GLRB: variants seen among roughly 807,000 people sequenced by gnomAD.
The protein encoded by GLRB is glycine receptor subunit beta.
Under a neutral mutation model 54.2 loss-of-function variants are expected in GLRB, and 33 were observed. The ratio of observed to expected loss-of-function variants is 0.61; its 90% CI spans 0.46 to 0.81. The LOEUF (loss-of-function observed/expected upper bound fraction) is 0.81, where lower values mean the gene tolerates loss of function less well. Ranked by LOEUF, GLRB falls within the 40% of genes least tolerant of loss-of-function variation. The probability of loss-of-function intolerance (pLI) is 0.00; values close to 1 mark genes in which losing one functional copy is unlikely to be tolerated. For missense variants in GLRB, 572 were observed against 584.6 expected (o/e 0.98, Z 0.22); for synonymous variants, 209 against 208.2 (o/e 1.00, Z -0.03).
intron 2 of GLRB, among the ~76,000 whole-genome samples, chr4:157,110,836 A>C (rs1006750152): frequency 2.4e-4 from 36 of 151,918 alleles, no homozygotes; most frequent in Non-Finnish European, 4.9e-4. Flanking sequence ...AGTCTAAATC[A>C]CTGCCTTTTT....
At chr4:157,103,943 G>A (rs1165617158) in intron 2 of GLRB, among the ~76,000 whole-genome samples, 1 of 151,764 alleles carries the variant, frequency 6.6e-6, no homozygotes, top group Non-Finnish European at 1.5e-5. Context: ...GTGTGTTTGT[G>A]TGTGTGTGTG....
chr4:157,166,207 G>A (rs1737701799), intron 9 of GLRB, among the ~76,000 whole-genome samples: 1 of 151,966 alleles, frequency 6.6e-6, no homozygotes, highest in African/African-American at 2.4e-5. Flanking sequence ...AGTGACAGAA[G>A]TTTATATGAT....
At chr4:157,111,216 A>G (rs1186917531) in intron 2 of GLRB, among the ~76,000 whole-genome samples, 1 of 152,034 alleles carries the variant, frequency 6.6e-6, no homozygotes, top group Non-Finnish European at 1.5e-5. Context: ...GTTCTCAGGG[A>G]GAAGCTGGGA....
chr4:157,135,017 C>A (rs1736349916), intron 4 of GLRB, among the ~76,000 whole-genome samples: 1 of 152,016 alleles, frequency 6.6e-6, no homozygotes, highest in African/African-American at 2.4e-5. Context: ...TTGTAAAGCA[C>A]TTAACATTAA....
In GLRB at chr4:157,135,718, A is replaced by G. The variant is rs1328845267; in HGVS notation, c.298-751A>G. ...TGAGAACAGACTAATACAGAATGTA[A>G]TAGAATAATTTTCAGTGTGTATATT... On this transcript the variant is annotated intron_variant, in intron 4 of 9. Coordinates refer to ENST00000264428, the MANE Select transcript of GLRB (RefSeq NM_000824.5). 4.6e-5 allele frequency among the ~76,000 whole-genome samples: 7 copies of G among 152,190 alleles called. No homozygotes were observed. The South Asian group carries it at 1.4e-3, about 31-fold the overall frequency.
chr4:157,086,235 TA>T (rs1734408564), intron 2 of GLRB, among the ~76,000 whole-genome samples: 3 of 152,248 alleles, frequency 2.0e-5, no homozygotes, highest in Admixed American at 1.3e-4. Flanking sequence ...TCTTGCTTAA[TA>T]TATCTAGGCT....
chr4:157,129,487 T>G (rs1305701760), intron 4 of GLRB, among the ~76,000 whole-genome samples: 3 of 151,774 alleles, frequency 2.0e-5, no homozygotes, highest in Non-Finnish European at 4.4e-5. Context: ...ACACAAACTA[T>G]TAACTTAAAT....
intron 2 of GLRB, among the ~76,000 whole-genome samples, chr4:157,108,596 G>A (rs1735306693): frequency 6.6e-6 from 1 of 152,064 alleles, no homozygotes; most frequent in African/African-American, 2.4e-5. Flanking sequence ...AAGATGCATT[G>A]ATTCCTATGG....
intron 2 of GLRB, among the ~76,000 whole-genome samples, chr4:157,111,492 G>C (rs1735416774): frequency 6.6e-6 from 1 of 151,956 alleles, no homozygotes; most frequent in Non-Finnish European, 1.5e-5. Context: ...ACTCCCTCAT[G>C]ATTATATTAT....
At chr4:157,101,098 A>C (rs990513743) in intron 2 of GLRB, among the ~76,000 whole-genome samples, 1 of 152,166 alleles carries the variant, frequency 6.6e-6, no homozygotes, top group Non-Finnish European at 1.5e-5. Flanking sequence ...TAATTTCAAC[A>C]CTTGAAAATT....
rs1736327644 is a variant in GLRB at position 157,134,455 on chromosome 4, C to T, written c.298-2014C>T. ...CAGTGAGCTGTGATAGTTTCACTGC[C>T]CTCCAACCTGGGCAACAGAGCAAGA... On this transcript the variant is annotated intron_variant, in intron 4 of 9. Transcript: ENST00000264428. Among the ~76,000 whole-genome samples, 4 of 150,986 alleles carry T rather than the reference C, an allele frequency of 2.6e-5. No individual in the cohort carries two copies. The South Asian group carries it at 6.3e-4, about 24-fold the overall frequency.
chr4:157,170,911 T>C lies in GLRB; in HGVS notation c.*183T>C. The C allele has an allele frequency of 1.8e-6, 1 of 542,926 alleles. No homozygotes were observed. Among genetic ancestry groups the C allele is most frequent in the African/African-American group, 1.9e-5 (1 of 53,006 alleles). 33.6% of individuals were successfully genotyped at this position (542,926 alleles called of 1,614,324 possible). On this transcript the variant is annotated 3_prime_UTR_variant, in exon 10 of 10. Transcript: ENST00000264428. The stretch of plus-strand genomic sequence containing the variant: ...CAGCATGATCATGTAATATCTGTGC[T>C]CTAATAACGATGTATATATGTATAG...
At chr4:157,163,259 G>T (rs111582964) in intron 9 of GLRB, among the ~76,000 whole-genome samples, 1 of 152,106 alleles carries the variant, frequency 6.6e-6, no homozygotes, top group African/African-American at 2.4e-5. Flanking sequence ...CTAGGAAAGG[G>T]AATTCCCCAA....
chr4:157,132,320 C>T (rs558050421), intron 4 of GLRB, among the ~76,000 whole-genome samples: 4 of 151,834 alleles, frequency 2.6e-5, no homozygotes, highest in Admixed American at 2.0e-4. Flanking sequence ...TAACTCCTAC[C>T]TTTCCACTGT....
At chr4:157,094,939 T>C (rs190237060) in intron 2 of GLRB, among the ~76,000 whole-genome samples, 3 of 152,352 alleles carry the variant, frequency 2.0e-5, no homozygotes, top group African/African-American at 7.2e-5. Flanking sequence ...TCTGTAATTA[T>C]AAAATATATT....
intron 4 of GLRB, among the ~76,000 whole-genome samples, chr4:157,124,212 G>A (rs971057847): frequency 6.6e-6 from 1 of 151,448 alleles, no homozygotes; most frequent in Non-Finnish European, 1.5e-5. Context: ...ACTTATCCTC[G>A]GTACCAGATT....
chr4:157,078,100 T>G lies in GLRB; in HGVS notation c.76T>G (p.Ser26Ala). The change falls in exon 2 of 10, where the codon TCT (serine) becomes GCT (alanine). Residue 26 changes from serine to alanine, a missense_variant. Ser to Ala is a moderately conservative substitution (Grantham distance 99). Coordinates refer to ENST00000264428, the MANE Select transcript of GLRB (RefSeq NM_000824.5). ...WVEEAYSKEK[S>A]SKKGKGKKKQ... ...GGAAGAAGCCTATTCTAAGGAAAAG[T>G]CTTCAAAGAAAGGGAAGGGGAAAAA... 1.2e-6 allele frequency: 2 copies of G among 1,610,728 alleles called. No homozygotes were observed. The highest frequency in any genetic ancestry group is 2.2e-5 in the South Asian group (2 of 91,012).
chr4:157,111,706 C>T (rs1304558749), intron 2 of GLRB, among the ~76,000 whole-genome samples: 1 of 152,006 alleles, frequency 6.6e-6, no homozygotes, highest in Non-Finnish European at 1.5e-5. Flanking sequence ...TCCTTTTTCA[C>T]TATCTTGCTG....
chr4:157,102,914 C>T (rs915653266), intron 2 of GLRB, among the ~76,000 whole-genome samples: 3 of 152,262 alleles, frequency 2.0e-5, no homozygotes, highest in African/African-American at 7.2e-5. Flanking sequence ...TGCCTGTAAT[C>T]CCAGCACTTT....
Sources: allele counts gnomAD v4.1 joint callset (sites outside exome capture counted in the v4.1 genomes callset), GRCh38; gene constraint gnomAD v4.1.1; transcripts MANE v1.5; gene names NCBI Gene and HGNC (gene_info 2026-07-23, HGNC 2026-07-21).